Variants in ADCY5 observed in about 807,000 individuals in gnomAD.
ADCY5 encodes the protein adenylate cyclase type 5.
In ADCY5, 30 loss-of-function variants were observed where a neutral mutation model predicts 119.7. The observed-to-expected ratio is 0.25, with a 90% CI of 0.19 to 0.34. The LOEUF (loss-of-function observed/expected upper bound fraction) is 0.34, where lower values mean the gene tolerates loss of function less well. ADCY5 is among the 10% of genes least tolerant of loss of function. The pLI is 1.00. For missense variants in ADCY5, 1,324 were observed against 1,775.2 expected, an observed-to-expected ratio of 0.75 and a Z score of 4.57; for synonymous variants, 753 against 762.2, an observed-to-expected ratio of 0.99 and a Z score of 0.20.
intron 6 of ADCY5, among the ~76,000 whole-genome samples, 185 bp downstream of exon 6, chr3:123,328,459 C>G (rs908304991): frequency 6.6e-6 from 1 of 152,190 alleles, no homozygotes; most frequent in African/African-American, 2.4e-5. Flanking sequence ...AACGGTGGCA[C>G]AGGTGATTTG....
At chr3:123,349,306 C>G (rs1187986173) in intron 2 of ADCY5, among the ~76,000 whole-genome samples, 2 of 152,204 alleles carry the variant, frequency 1.3e-5, no homozygotes, top group African/African-American at 4.8e-5. Context: ...TCAGATCTTT[C>G]CCTCTGACAC....
chr3:123,356,850 T>C (rs1182791755), intron 1 of ADCY5, among the ~76,000 whole-genome samples: 4 of 149,872 alleles, frequency 2.7e-5, no homozygotes, highest in Non-Finnish European at 4.5e-5. Flanking sequence ...TCTTAGGTAT[T>C]TTTTTTTTCA....
Position 123,435,769 on chromosome 3 carries a change from T to G in ADCY5, c.1134+11643A>C, listed in dbSNP as rs568890033. 8.0e-5 allele frequency among the ~76,000 whole-genome samples: 12 copies of G among 150,920 alleles called. No homozygotes were observed. In the East Asian group the frequency reaches 2.2e-3, roughly 27 times the overall value. The stretch of plus-strand genomic sequence containing the variant: ...CTATAATCAGCTGAGACCTATAATC[T>G]CAGCACTTTGGGAGGCCAAGGTAGG... On this transcript the variant is annotated intron_variant, in intron 1 of 20. Transcript: ENST00000462833.
intron 1 of ADCY5, among the ~76,000 whole-genome samples, chr3:123,401,480 G>A (rs1253187716): frequency 6.6e-6 from 1 of 152,212 alleles, no homozygotes; most frequent in Non-Finnish European, 1.5e-5. Context: ...GCATCTGTCT[G>A]ACCATCCTTG....
intron 15 of ADCY5, among the ~76,000 whole-genome samples, chr3:123,297,773 C>T (rs949861108): frequency 2.0e-5 from 3 of 152,192 alleles, no homozygotes; most frequent in African/African-American, 7.2e-5. Flanking sequence ...GCTACTGAGC[C>T]TCAACATGGG....
At chr3:123,334,642 G>C (rs901236377) in intron 3 of ADCY5, among the ~76,000 whole-genome samples, 1 of 152,172 alleles carries the variant, frequency 6.6e-6, no homozygotes, top group Non-Finnish European at 1.5e-5. Context: ...AGAGGCTGAG[G>C]CAGGAGAATC....
chr3:123,336,637 G>A (rs1167376745), intron 3 of ADCY5, among the ~76,000 whole-genome samples: 1 of 152,116 alleles, frequency 6.6e-6, no homozygotes, highest in Non-Finnish European at 1.5e-5. Context: ...GGGAGGGTGG[G>A]GCGCCCCAGA....
intron 9 of ADCY5, among the ~76,000 whole-genome samples, chr3:123,320,435 C>T (rs764820608): frequency 1.3e-5 from 2 of 152,240 alleles, no homozygotes; most frequent in African/African-American, 4.8e-5. Context: ...ATGCCAGGCA[C>T]TGCTGACCAG....
intron 1 of ADCY5, among the ~76,000 whole-genome samples, chr3:123,427,075 G>A (rs1301774550): frequency 6.6e-6 from 1 of 152,150 alleles, no homozygotes; most frequent in Admixed American, 6.5e-5. Context: ...AAGCTTTAGT[G>A]CCACTGGTAA....
chr3:123,431,856 A>T (rs1333098498), intron 1 of ADCY5, among the ~76,000 whole-genome samples: 1 of 152,174 alleles, frequency 6.6e-6, no homozygotes, highest in Non-Finnish European at 1.5e-5. Flanking sequence ...CTTTCAATAC[A>T]GCCATAAATC....
chr3:123,295,378 A>G (rs1421508257), intron 17 of ADCY5, among the ~76,000 whole-genome samples: 1 of 152,214 alleles, frequency 6.6e-6, no homozygotes, highest in African/African-American at 2.4e-5. Context: ...CCACAGGAAG[A>G]CAGGGCTTTC....
At chr3:123,322,319 T>C (rs956656402) in intron 8 of ADCY5, among the ~76,000 whole-genome samples, 1 of 152,222 alleles carries the variant, frequency 6.6e-6, no homozygotes, top group African/African-American at 2.4e-5. Flanking sequence ...GGCCGAAATG[T>C]TGTGAATAAG....
chr3:123,349,196 C>T (rs1942717884), intron 2 of ADCY5, among the ~76,000 whole-genome samples: 1 of 152,224 alleles, frequency 6.6e-6, no homozygotes. Context: ...CATTGTCATT[C>T]CCCAATCACT....
intron 17 of ADCY5, among the ~76,000 whole-genome samples, chr3:123,292,733 C>T (rs1215593425): frequency 6.6e-6 from 1 of 152,118 alleles, no homozygotes; most frequent in African/African-American, 2.4e-5. Flanking sequence ...GGGTAGGGGG[C>T]ATCCCTGTGC....
chr3:123,323,033 C>T (rs1941300388), intron 8 of ADCY5, among the ~76,000 whole-genome samples: 1 of 152,202 alleles, frequency 6.6e-6, no homozygotes, highest in South Asian at 2.1e-4. Context: ...CCCAATGGCC[C>T]TCGCGGCACT....
intron 1 of ADCY5, among the ~76,000 whole-genome samples, chr3:123,362,213 C>G (rs1301264681): frequency 3.3e-5 from 5 of 152,170 alleles, no homozygotes; most frequent in African/African-American, 1.2e-4. Context: ...CACGGCAACT[C>G]TATGTTATTG....
chr3:123,321,083 C>T (rs1340436419), intron 8 of ADCY5, among the ~76,000 whole-genome samples: 1 of 152,168 alleles, frequency 6.6e-6, no homozygotes, highest in African/African-American at 2.4e-5. Context: ...CTCTCCTCGC[C>T]ATCCTCCTGC....
intron 20 of ADCY5, among the ~76,000 whole-genome samples, chr3:123,285,891 G>A (rs991703635): frequency 2.6e-5 from 4 of 152,226 alleles, no homozygotes; most frequent in African/African-American, 9.6e-5. Context: ...ACTGTGCTTG[G>A]GGTCAGGCCC....
At position 123,359,797 on chromosome 3, in the gene ADCY5, T is replaced by C. The variant is rs541968205; in HGVS notation, c.1135-7216A>G. Among the ~76,000 whole-genome samples the C allele has an allele frequency of 7.2e-5, 11 of 152,260 alleles. No individual in the cohort carries two copies. The East Asian group carries it at 1.9e-3, about 27-fold the overall frequency. On this transcript the variant is annotated intron_variant, in intron 1 of 20. Transcript: ENST00000462833. ...CACAACTCCTTCCTGTTCTAGTCCTTTGTCGGTTTACAAACACATAAAACT... is the reference window on the plus strand; with the variant it reads ...CACAACTCCTTCCTGTTCTAGTCCTCTGTCGGTTTACAAACACATAAAACT...
Sources: allele counts gnomAD v4.1 joint callset (sites outside exome capture counted in the v4.1 genomes callset), GRCh38; gene constraint gnomAD v4.1.1; transcripts MANE v1.5; gene names NCBI Gene and HGNC (gene_info 2026-07-23, HGNC 2026-07-21).